RBMS1: variants seen among roughly 807,000 people sequenced by gnomAD.
RBMS1 encodes RNA-binding motif, single-stranded-interacting protein 1.
A neutral mutation model predicts 62.3 loss-of-function variants in RBMS1; 17 were observed. That is an observed-to-expected ratio of 0.27 (90% confidence interval 0.19 to 0.41). The LOEUF (loss-of-function observed/expected upper bound fraction) is 0.41, where lower values mean the gene tolerates loss of function less well. RBMS1 is among the 10% of genes least tolerant of loss of function. The probability of loss-of-function intolerance (pLI) is 1.00; values close to 1 mark genes in which losing one functional copy is unlikely to be tolerated. For synonymous variants in RBMS1, 172 were observed against 170.0 expected (o/e 1.01, Z -0.09); for missense variants, 334 against 504.5 (o/e 0.66, Z 3.24).
Position 160,298,367 on chromosome 2 carries a change from A to C in RBMS1, c.640+2284T>G, listed in dbSNP as rs1689049189. On this transcript the variant is annotated intron_variant, in intron 6 of 13. Coordinates refer to ENST00000348849, the MANE Select transcript of RBMS1 (RefSeq NM_016836.4). ...GAATATAAGGTAACTGAGGTCAGGC[A>C]GTCTGAAACTCTGGGGAACAGCCAG... Among the ~76,000 whole-genome samples, 3 of 152,272 alleles carry C rather than the reference A, an allele frequency of 2.0e-5. 1 individual carries two copies. Among genetic ancestry groups the C allele is most frequent in the Admixed American group, 1.3e-4 (2 of 15,288 alleles).
At chr2:160,433,290 C>A (rs1393324299) in intron 1 of RBMS1, among the ~76,000 whole-genome samples, 1 of 152,024 alleles carries the variant, frequency 6.6e-6, no homozygotes, top group East Asian at 1.9e-4. Context: ...TGGTGCACAC[C>A]CATAGTCTCA....
At chr2:160,392,735 T>C (rs1446093144) in intron 1 of RBMS1, among the ~76,000 whole-genome samples, 3 of 152,030 alleles carry the variant, frequency 2.0e-5, no homozygotes, top group Non-Finnish European at 4.4e-5. Context: ...CTACAAAAAA[T>C]TAAAAAATTA....
intron 1 of RBMS1, among the ~76,000 whole-genome samples, chr2:160,450,806 T>G (rs1418183878): frequency 6.6e-6 from 1 of 152,266 alleles, no homozygotes; most frequent in East Asian, 1.9e-4. Context: ...TTGACCTGAC[T>G]TAAATACCTT....
chr2:160,481,457 A>G (rs1685368939), intron 1 of RBMS1, among the ~76,000 whole-genome samples: 1 of 152,096 alleles, frequency 6.6e-6, no homozygotes, highest in Admixed American at 6.5e-5. Context: ...ATTTTACTTC[A>G]TTAAAATTAA....
At chr2:160,283,533 G>C (rs1688212017) in intron 9 of RBMS1, 1 of 152,216 alleles carries the variant, frequency 6.6e-6, no homozygotes, top group Non-Finnish European at 1.5e-5. Flanking sequence ...GAGCCTAGAA[G>C]CATAGGAGAC....
At chr2:160,472,956 T>C (rs1408889839) in intron 1 of RBMS1, among the ~76,000 whole-genome samples, 4 of 152,200 alleles carry the variant, frequency 2.6e-5, no homozygotes, top group Non-Finnish European at 5.9e-5. Context: ...CTTTTAGCAG[T>C]GCTGACATAA....
chr2:160,373,894 G>A (rs1318411711), intron 1 of RBMS1, among the ~76,000 whole-genome samples: 1 of 152,138 alleles, frequency 6.6e-6, no homozygotes, highest in Non-Finnish European at 1.5e-5. Flanking sequence ...CAGGGAGGAG[G>A]GAGGATGAAA....
At chr2:160,398,400 G>A (rs935456224) in intron 1 of RBMS1, among the ~76,000 whole-genome samples, 61 of 152,162 alleles carry the variant, frequency 4.0e-4, no homozygotes, top group Admixed American at 2.7e-3. Flanking sequence ...GGACAAACAC[G>A]AAAATCCATG....
At chr2:160,281,654 A>C in intron 9 of RBMS1, 1 of 293,926 alleles carries the variant, frequency 3.4e-6, no homozygotes, top group Non-Finnish European at 6.4e-6. Flanking sequence ...CCCTCAAGAA[A>C]TTTACTATCT....
At chr2:160,383,875 G>A (rs1694424421) in intron 1 of RBMS1, among the ~76,000 whole-genome samples, 1 of 152,176 alleles carries the variant, frequency 6.6e-6, no homozygotes, top group Non-Finnish European at 1.5e-5. Context: ...TTTTCTTTAA[G>A]GCATAGAGAT....
chr2:160,361,956 G>A (rs1037192916), intron 2 of RBMS1, among the ~76,000 whole-genome samples: 1 of 152,204 alleles, frequency 6.6e-6, no homozygotes, highest in Admixed American at 6.5e-5. Flanking sequence ...GAGTGGTGGC[G>A]GCTGAAGGAT....
intron 4 of RBMS1, among the ~76,000 whole-genome samples, chr2:160,308,189 T>C (rs1043283215): frequency 6.6e-6 from 1 of 151,886 alleles, no homozygotes; most frequent in South Asian, 2.1e-4. Context: ...AGCTCACGAG[T>C]GCGAGACCAG....
intron 2 of RBMS1, among the ~76,000 whole-genome samples, 188 bp from the exon 3 acceptor site, chr2:160,318,415 G>A (rs1047682412): frequency 6.6e-6 from 1 of 152,104 alleles, no homozygotes; most frequent in African/African-American, 2.4e-5. Context: ...TGAAAAAAAG[G>A]GAATGGCTAG....
intron 1 of RBMS1, among the ~76,000 whole-genome samples, chr2:160,390,891 CA>C (rs71003493): frequency 0.1 from 14,871 of 147,240 alleles, 988 homozygotes; most frequent in East Asian, 0.26. Flanking sequence ...AAACAACCAC[CA>C]AAAAAAAAAA....
chr2:160,370,254 AAG>A (rs1298162466), intron 1 of RBMS1, among the ~76,000 whole-genome samples: 1 of 152,246 alleles, frequency 6.6e-6, no homozygotes, highest in Non-Finnish European at 1.5e-5. Context: ...AGAAAACTGA[AAG>A]AGAGAAGCGT....
At chr2:160,278,368 G>C (rs1359604610) in intron 11 of RBMS1, 180 bp downstream of exon 11, 1 of 628,728 alleles carries the variant, frequency 1.6e-6, no homozygotes, top group Admixed American at 2.5e-5. Context: ...TAGACTTTCA[G>C]TTCATCAATT....
At chr2:160,306,620 A>T (rs1043613159) in intron 4 of RBMS1, among the ~76,000 whole-genome samples, 42 of 145,636 alleles carry the variant, frequency 2.9e-4, no homozygotes, top group African/African-American at 5.7e-4. Context: ...GCAGTAATTT[A>T]AAAAAAAAAA....
At chr2:160,286,834 A>G in intron 7 of RBMS1, 135 bp downstream of exon 7, 1 of 1,508,688 alleles carries the variant, frequency 6.6e-7, no homozygotes, top group East Asian at 2.3e-5. Flanking sequence ...TAATGTACCG[A>G]AAGGAAGATT....
chr2:160,427,137 G>C (rs1199050286), intron 1 of RBMS1, among the ~76,000 whole-genome samples: 1 of 152,126 alleles, frequency 6.6e-6, no homozygotes, highest in Non-Finnish European at 1.5e-5. Context: ...GAAAACAGAA[G>C]ATTCAGTGGA....
Sources: allele counts gnomAD v4.1 joint callset (sites outside exome capture counted in the v4.1 genomes callset), GRCh38; gene constraint gnomAD v4.1.1; transcripts MANE v1.5; gene names NCBI Gene and HGNC (gene_info 2026-07-23, HGNC 2026-07-21).